POTEM: variants seen among roughly 807,000 people sequenced by gnomAD.
POTEM encodes the protein putative POTE ankyrin domain family member M.
For synonymous variants in POTEM, 8 were observed against 113.2 expected, an observed-to-expected ratio of 0.07 and a Z score of 5.90; for missense variants, 24 against 343.0, an observed-to-expected ratio of 0.07 and a Z score of 7.35.
chr14:18,999,130 A>C lies in POTEM; in HGVS notation c.*465A>C. On this transcript the variant is annotated 3_prime_UTR_variant, in exon 11 of 11. Coordinates refer to ENST00000547889, the MANE Select transcript of POTEM (RefSeq NM_001145442.1). ...GACGACATGGAGAAGATCTGGCACC[A>C]CACCTTCTACAATGAGCTGCGTGTG... 1 of 521,644 alleles carries C rather than the reference A, an allele frequency of 1.9e-6. No homozygotes were observed. The highest frequency in any genetic ancestry group is 3.3e-6 in the Non-Finnish European group (1 of 302,032). 32.3% of individuals were successfully genotyped at this position (521,644 alleles called of 1,614,324 possible).
At chr14:18,986,122 G>A (rs1276878640) in intron 7 of POTEM, among the ~76,000 whole-genome samples, 240 of 142,420 alleles carry the variant, frequency 1.7e-3, no homozygotes, top group African/African-American at 6.4e-3. Flanking sequence ...TGGAATAGAG[G>A]CAAAAACAAA....
At position 18,997,091 on chromosome 14, in the gene POTEM, GA is replaced by G. The variant is rs1891318798; in HGVS notation, c.1462del (p.Ile488TyrfsTer7). ...QKQLSEEQNT[G>X]ILQDEILIHE... ...CAACTTTCTGAAGAACAGAACACTG[GA>G]ATATTACAAGATGAGATTCTGATTC... On this transcript the variant is annotated frameshift_variant, in exon 10 of 11. Transcript: ENST00000547889. LOFTEE classifies it high-confidence loss of function. The G allele has an allele frequency of 1.4e-6, 1 of 701,034 alleles. No homozygotes were observed. Among genetic ancestry groups the G allele is most frequent in the African/African-American group, 1.9e-5 (1 of 53,392 alleles). The allele number at this position is 701,034 out of a possible 1,614,324, so 43.4% of individuals were successfully genotyped here. A position where few individuals can be genotyped will look rare whatever the true frequency, so the allele number is the denominator to read the frequency against.
chr14:18,979,740 A>AAG (rs1891033262), intron 5 of POTEM, among the ~76,000 whole-genome samples: 1 of 149,528 alleles, frequency 6.7e-6, no homozygotes, highest in South Asian at 2.1e-4. Context: ...CATTGAGCCT[A>AAG]AGAGAAGCAA....
In POTEM at chr14:19,002,809, A is replaced by G. The variant is rs1444051917; in HGVS notation, c.*4144A>G. Among the ~76,000 whole-genome samples the G allele has an allele frequency of 6.6e-6, 1 of 152,304 alleles. No individual in the cohort carries two copies. The highest frequency in any genetic ancestry group is 1.5e-5 in the Non-Finnish European group (1 of 68,052). On this transcript the variant is annotated 3_prime_UTR_variant, in exon 11 of 11. Coordinates refer to ENST00000547889, the MANE Select transcript of POTEM (RefSeq NM_001145442.1). ...GCAGCCCTTTATATGGAAACTTCCT[A>G]CATCACTTTGCTGTGTGTGTTTACA...
intron 8 of POTEM, among the ~76,000 whole-genome samples, chr14:18,987,824 C>A (rs1224329981): frequency 5.9e-5 from 9 of 152,406 alleles, no homozygotes; most frequent in South Asian, 2.1e-4. Flanking sequence ...GTGTCTCATC[C>A]TCTAAAATGA....
In POTEM at chr14:18,975,506, G is replaced by T. The variant is rs1299376005; in HGVS notation, c.811-543G>T. 3.4e-5 allele frequency among the ~76,000 whole-genome samples: 5 copies of T among 148,104 alleles called. No homozygotes were observed. In the East Asian group the frequency reaches 7.7e-4, roughly 23 times the overall value. On this transcript the variant is annotated intron_variant, in intron 3 of 10. Transcript: ENST00000547889. ...AACTGATTATTTAGTAACAATCTGG[G>T]AAAATTAAATATAAATAGATTTTAA... is the stretch of plus-strand genomic sequence containing the variant.
intron 7 of POTEM, among the ~76,000 whole-genome samples, chr14:18,985,986 A>C (rs934107358): frequency 1.4e-5 from 1 of 73,686 alleles, no homozygotes; most frequent in Non-Finnish European, 3.0e-5. Context: ...TATTAAAAGA[A>C]TCAATAGGTT....
intron 7 of POTEM, among the ~76,000 whole-genome samples, chr14:18,986,845 A>G (rs1891195652): frequency 6.6e-6 from 1 of 151,928 alleles, no homozygotes; most frequent in African/African-American, 2.4e-5. Context: ...GGTAGATTTA[A>G]CACATAACAA....
At chr14:18,974,884 CTTTTTA>C (rs368517175) in intron 3 of POTEM, 74 of 389,494 alleles carry the variant, frequency 1.9e-4, no homozygotes, top group South Asian at 3.1e-4. Context: ...TTCTTTCTTT[CTTTTTA>C]TTTTTATTTT....
intron 1 of POTEM, among the ~76,000 whole-genome samples, chr14:18,968,786 G>A (rs1398135814): frequency 6.6e-6 from 1 of 152,296 alleles, no homozygotes; most frequent in Non-Finnish European, 1.5e-5. Context: ...TCACGCCACT[G>A]TACTCCAGCC....
At chr14:18,969,327 ATATATACG>A (rs1890849042) in intron 1 of POTEM, among the ~76,000 whole-genome samples, 6 of 126,512 alleles carry the variant, frequency 4.7e-5, no homozygotes, top group Non-Finnish European at 9.6e-5. Flanking sequence ...GTATATATAT[ATATATACG>A]TATATACATA....
rs1891381638 is a variant in POTEM at position 19,001,600 on chromosome 14, C to CA, written c.*2936dup. Among the ~76,000 whole-genome samples the CA allele has an allele frequency of 4.2e-5, 1 of 23,864 alleles. No individual in the cohort carries two copies. Among genetic ancestry groups the CA allele is most frequent in the Non-Finnish European group, 9.2e-5 (1 of 10,828 alleles). The allele number at this position is 23,864 out of a possible 152,430, so 15.7% of individuals were successfully genotyped here. On this transcript the variant is annotated 3_prime_UTR_variant, in exon 11 of 11. Coordinates refer to ENST00000547889, the MANE Select transcript of POTEM (RefSeq NM_001145442.1). Reference sequence around the variant, plus strand: ...GTAGCCAGGGGCTGAAGTGAACCCCCAGCACAGCACAGCTGCTCTATAAAA... The same window carrying CA: ...GTAGCCAGGGGCTGAAGTGAACCCCCAAGCACAGCACAGCTGCTCTATAAAA...
Position 18,999,298 on chromosome 14 carries a change from C to G in POTEM, c.*633C>G, listed in dbSNP as rs1202953096. ...ATCCAAGCCGTGCTGTCCTTGTACA[C>G]CTCTGGCCGTACTACTGGCATTGTG... On this transcript the variant is annotated 3_prime_UTR_variant, in exon 11 of 11. Transcript: ENST00000547889. 3.9e-5 allele frequency among the ~76,000 whole-genome samples: 5 copies of G among 126,678 alleles called. No individual in the cohort carries two copies. Among genetic ancestry groups the G allele is most frequent in the African/African-American group, 1.5e-4 (5 of 34,016 alleles). 83.1% of individuals were successfully genotyped at this position (126,678 alleles called of 152,430 possible).
intron 7 of POTEM, among the ~76,000 whole-genome samples, chr14:18,985,996 T>C: frequency 1.5e-5 from 1 of 68,960 alleles, no homozygotes; most frequent in East Asian, 2.4e-4. Flanking sequence ...ATCAATAGGT[T>C]CTAATTTAAT....
intron 1 of POTEM, among the ~76,000 whole-genome samples, chr14:18,968,532 GC>G (rs1279796683): frequency 4.6e-5 from 7 of 151,392 alleles, no homozygotes; most frequent in Admixed American, 6.6e-5. Flanking sequence ...GAAGATGTGA[GC>G]TTTTTGGCTG....
At chr14:18,968,451 C>G (rs796819925) in intron 1 of POTEM, among the ~76,000 whole-genome samples, 174 of 146,682 alleles carry the variant, frequency 1.2e-3, no homozygotes, top group African/African-American at 3.8e-3. Flanking sequence ...ATGTTCTTTA[C>G]TGAGTAATCT....
At chr14:18,968,779 C>T (rs1242775673) in intron 1 of POTEM, among the ~76,000 whole-genome samples, 651 of 149,714 alleles carry the variant, frequency 4.3e-3, no homozygotes, top group African/African-American at 0.015. Flanking sequence ...GCCGAGATCA[C>T]GCCACTGTAC....
chr14:18,968,553 G>A (rs1293203844), intron 1 of POTEM, among the ~76,000 whole-genome samples: 36 of 150,050 alleles, frequency 2.4e-4, no homozygotes, highest in African/African-American at 8.6e-4. Context: ...GGGCGTGGTG[G>A]CTCACACCTG....
chr14:18,996,432 GC>G (rs1891302172), intron 9 of POTEM, among the ~76,000 whole-genome samples: 1 of 136,394 alleles, frequency 7.3e-6, no homozygotes, highest in African/African-American at 2.9e-5. Flanking sequence ...TAGGACCTGG[GC>G]CACACAGCAG....
Sources: gnomAD v4.1 joint callset for allele counts (sites outside exome capture counted in the v4.1 genomes callset) on GRCh38, gnomAD v4.1.1 for gene constraint, MANE v1.5 for transcripts, NCBI Gene and HGNC (gene_info 2026-07-23, HGNC 2026-07-21) for gene names.